TRABD: variants seen among roughly 807,000 people sequenced by gnomAD.
TRABD encodes traB domain-containing protein.
A neutral mutation model predicts 39.6 loss-of-function variants in TRABD; 23 were observed. That is an observed-to-expected ratio of 0.58 (90% CI 0.42 to 0.82). TRABD has a LOEUF of 0.82. TRABD is among the 40% of genes least tolerant of loss of function. The pLI, the probability that TRABD is intolerant of heterozygous loss-of-function variation, is 0.00. For synonymous variants in TRABD, 243 were observed against 232.1 expected (o/e 1.05, Z -0.43); for missense variants, 487 against 544.9 (o/e 0.89, Z 1.06).
At chr22:50,189,164 C>T (rs765461204) in intron 1 of TRABD, among the ~76,000 whole-genome samples, 8 of 152,136 alleles carry the variant, frequency 5.3e-5, no homozygotes, top group African/African-American at 7.2e-5. Context: ...CAGAGAAGCT[C>T]GAGGCCGAGG....
chr22:50,197,765 C>CCCCCCCCCCCCCCCCGTGGG, intron 7 of TRABD, 58 bp from the exon 8 acceptor site: 1 of 754,058 alleles, frequency 1.3e-6, no homozygotes, highest in Non-Finnish European at 2.2e-6. Flanking sequence ...ACAGTGCCAG[C>CCCCCCCCCCCCCCCCGTGGG]CCCACCCCCC....
rs746790898 is a variant in TRABD, at chr22:50,198,103, G to GGTCGTGGGC, written c.883_891dup (p.Val295_Gly297dup). ...AGCCCAGGAAGTGCGTCCCCTCCGTGGTCGTGGGCGTCGTGGGCATGGGCC... is the reference window on the plus strand; with the variant it reads ...AGCCCAGGAAGTGCGTCCCCTCCGTGGTCGTGGGCGTCGTGGGCGTCGTGGGCATGGGCC... On this transcript the variant is annotated inframe_insertion, in exon 9 of 10. Transcript: ENST00000380909. The surrounding 1 kb of genome is among the most constrained non-coding windows in gnomAD (Gnocchi z 7.9). 2.5e-6 allele frequency: 4 copies of GGTCGTGGGC among 1,612,796 alleles called. No individual in the cohort carries two copies. The highest frequency in any genetic ancestry group is 1.1e-5 in the South Asian group (1 of 91,038).
rs571017527 is a variant in TRABD, at chr22:50,195,057, A to AAGGGTC, written c.420+30_420+35dup. ...GTGAGGCAGGTGCGCAGCCGCGGGCAAGGGTCAGGGTCAGGGTCGGGGTCA... is the reference window on the plus strand; with the variant it reads ...GTGAGGCAGGTGCGCAGCCGCGGGCAAGGGTCAGGGTCAGGGTCAGGGTCGGGGTCA... On this transcript the variant is annotated intron_variant, in intron 5 of 9. Coordinates refer to ENST00000380909, the MANE Select transcript of TRABD (RefSeq NM_001320485.2). 88 of 1,565,708 alleles carry AAGGGTC rather than the reference A, an allele frequency of 5.6e-5. No homozygotes were observed. Among genetic ancestry groups the AAGGGTC allele is most frequent in the South Asian group, 3.1e-4 (27 of 87,098 alleles).
chr22:50,187,148 GC>G (rs1354205215), intron 1 of TRABD, among the ~76,000 whole-genome samples: 2 of 152,224 alleles, frequency 1.3e-5, no homozygotes, highest in Non-Finnish European at 2.9e-5. Context: ...CGAGGAGGGG[GC>G]CTGGCAGGGT....
chr22:50,193,640 A>T lies in TRABD; in HGVS notation c.98A>T (p.Asp33Val), dbSNP rs767996028. Residue 33 changes from aspartate to valine, a missense_variant, in exon 3 of 10, where the codon GAC becomes GTC. Asp to Val is a radical substitution (Grantham distance 152, BLOSUM62 -3). This residue lies in a region of TRABD where 358 missense variants were observed against 414.7 expected (regional missense o/e 0.86). Coordinates refer to ENST00000380909, the MANE Select transcript of TRABD (RefSeq NM_001320485.2). ...CCGGTGCCCAGGGTGCTTTCTGGAGACCCCCAGAACCTGTGTACGTGTCCC... is the reference window on the plus strand; with the variant it reads ...CCGGTGCCCAGGGTGCTTTCTGGAGTCCCCCAGAACCTGTGTACGTGTCCC... ...SEPVPRVLSG[D>V]PQNLSDVDAF... The T allele has an allele frequency of 1.2e-6, 2 of 1,613,264 alleles. No individual in the cohort carries two copies. The highest frequency in any genetic ancestry group is 2.7e-5 in the African/African-American group (2 of 74,788).
At chr22:50,194,838 T>C in intron 4 of TRABD, 62 bp from the exon 5 acceptor site, 4 of 1,572,022 alleles carry the variant, frequency 2.5e-6, no homozygotes, top group Non-Finnish European at 2.6e-6. Context: ...GGTGCTGGCG[T>C]CAGCTGTGCT....
At chr22:50,197,768 C>CCCCCCCCCCCCCCCGGG in intron 7 of TRABD, 55 bp from the exon 8 acceptor site, 2 of 1,320,234 alleles carry the variant, frequency 1.5e-6, no homozygotes, top group Non-Finnish European at 2.2e-6. Context: ...GTGCCAGCCC[C>CCCCCCCCCCCCCCCGGG]ACCCCCCCAG....
chr22:50,195,341 GC>G (rs34073975), intron 5 of TRABD, among the ~76,000 whole-genome samples: 59,508 of 151,888 alleles, frequency 0.39, 11,715 homozygotes, highest in African/African-American at 0.43. Flanking sequence ...TGCAAGGTTG[GC>G]CCCCCCGGTA....
intron 3 of TRABD, 133 bp downstream of exon 3, chr22:50,193,787 A>G (rs1488989379): frequency 1.3e-6 from 1 of 799,650 alleles, no homozygotes; most frequent in African/African-American, 1.7e-5. Flanking sequence ...GACCTGAGGT[A>G]GGTGCTGCTA....
chr22:50,197,503 A>T lies in TRABD; in HGVS notation c.586A>T (p.Thr196Ser). The change falls in exon 7 of 10, where the codon ACC becomes TCC. Residue 196 changes from threonine to serine, a missense_variant. Physicochemically the swap from Thr to Ser is moderately conservative, Grantham distance 58 (BLOSUM62 1). This residue lies in a region of TRABD where 358 missense variants were observed against 414.7 expected (regional missense o/e 0.86). Transcript: ENST00000380909. ...FHLGDRPIPV[T>S]FKRAIAALSF... The stretch of plus-strand genomic sequence containing the variant: ...CCTGGGTGACCGACCCATCCCCGTC[A>T]CCTTCAAGAGGGCCATCGCAGCGCT... 2.5e-6 allele frequency: 4 copies of T among 1,613,680 alleles called. No individual in the cohort carries two copies. The highest frequency in any genetic ancestry group is 3.4e-6 in the Non-Finnish European group (4 of 1,179,984).
chr22:50,188,430 AAACTT>A (rs1215999933), intron 1 of TRABD, among the ~76,000 whole-genome samples: 1 of 152,096 alleles, frequency 6.6e-6, no homozygotes, highest in Non-Finnish European at 1.5e-5. Flanking sequence ...TGCTGGGAAA[AAACTT>A]AACAGAAATT....
At position 50,193,006 on chromosome 22, in the gene TRABD, G is replaced by A. The variant is rs990460246; in HGVS notation, c.-34-21G>A. The stretch of plus-strand genomic sequence containing the variant: ...GTCTGGGGCTCCAGGTGGAAACCCC[G>A]CCTCTCATGCCTCTCCTCAGGCTCC... On this transcript the variant is annotated intron_variant, in intron 1 of 9. Coordinates refer to ENST00000380909, the MANE Select transcript of TRABD (RefSeq NM_001320485.2). The A allele has an allele frequency of 2.8e-5, 43 of 1,540,046 alleles. No homozygotes were observed. The African/African-American group carries it at 4.5e-4, about 16-fold the overall frequency.
At chr22:50,187,304 G>A (rs1602417325) in intron 1 of TRABD, among the ~76,000 whole-genome samples, 2 of 152,214 alleles carry the variant, frequency 1.3e-5, no homozygotes, top group Admixed American at 6.5e-5. Context: ...TGTGTTTCCC[G>A]TCTCCCAGCT....
intron 1 of TRABD, among the ~76,000 whole-genome samples, chr22:50,189,416 G>A (rs1229010758): frequency 6.6e-6 from 1 of 152,260 alleles, no homozygotes; most frequent in Admixed American, 6.5e-5. Context: ...AGTCCTGCTC[G>A]GTGGACGTCC....
intron 5 of TRABD, among the ~76,000 whole-genome samples, chr22:50,196,106 G>A (rs993048482): frequency 1.3e-5 from 2 of 152,196 alleles, no homozygotes; most frequent in Admixed American, 6.5e-5. Flanking sequence ...CGTGGGGCAG[G>A]GTCTGGGAGA....
chr22:50,187,407 T>A (rs1442264206), intron 1 of TRABD, among the ~76,000 whole-genome samples: 1 of 151,966 alleles, frequency 6.6e-6, no homozygotes, highest in Non-Finnish European at 1.5e-5. Flanking sequence ...GCAGGGGAGG[T>A]CAAAGCTCTG....
In TRABD at chr22:50,193,047, G is replaced by A; in HGVS notation, c.-14G>A. On this transcript the variant is annotated 5_prime_UTR_variant, in exon 2 of 10. Transcript: ENST00000380909. ...CTCAGGCTCCCCACAGGTGCAGGAA[G>A]CCGCCGCCCAGCCATGGACGGGGAG... is the stretch of plus-strand genomic sequence containing the variant. 6.5e-7 allele frequency: 1 copy of A among 1,544,932 alleles called. No individual in the cohort carries two copies.
intron 5 of TRABD, 33 bp from the exon 6 acceptor site, chr22:50,197,208 C>T (rs1344454235): frequency 6.2e-7 from 1 of 1,601,698 alleles, no homozygotes; most frequent in South Asian, 1.1e-5. Context: ...CGCACCCGCC[C>T]CTCCAGCTGA....
chr22:50,188,970 C>T (rs558598325), intron 1 of TRABD, among the ~76,000 whole-genome samples: 28 of 152,326 alleles, frequency 1.8e-4, no homozygotes, highest in Admixed American at 1.5e-3. Context: ...TCAGAGGCTT[C>T]GTCTGCACAG....
Sources: gnomAD v4.1 joint callset for allele counts (sites outside exome capture counted in the v4.1 genomes callset) on GRCh38, gnomAD v4.1.1 for gene constraint, gnomAD v4.1.1 regional missense constraint, Gnocchi (gnomAD v3.1) non-coding constraint, MANE v1.5 for transcripts, NCBI Gene and HGNC (gene_info 2026-07-23, HGNC 2026-07-21) for gene names.